Variants in ABI1 observed in about 807,000 individuals in gnomAD.
The protein encoded by ABI1 is abl interactor 1.
In ABI1, 14 loss-of-function variants were observed where a neutral mutation model predicts 54.6. The observed-to-expected ratio is 0.26, with a 90% confidence interval of 0.17 to 0.40. The LOEUF is 0.40. Among genes scored for constraint, ABI1 ranks in the 10% least tolerant of loss-of-function variants. ABI1 has a pLI of 1.00. For synonymous variants in ABI1, 194 were observed against 209.3 expected (o/e 0.93, Z 0.63); for missense variants, 443 against 598.3 (o/e 0.74, Z 2.71).
chr10:26,845,453 A>G (rs1210027330), intron 1 of ABI1, among the ~76,000 whole-genome samples: 3 of 151,058 alleles, frequency 2.0e-5, no homozygotes, highest in Admixed American at 6.6e-5. Flanking sequence ...GACCAGCCTG[A>G]CCAATATGAT....
At chr10:26,761,496 T>C (rs1564462820) in intron 7 of ABI1, among the ~76,000 whole-genome samples, 1 of 150,676 alleles carries the variant, frequency 6.6e-6, no homozygotes, top group Non-Finnish European at 1.5e-5. Flanking sequence ...TTAAATAATA[T>C]ACAGCTCAAG....
At chr10:26,835,341 C>T (rs939571520) in intron 1 of ABI1, among the ~76,000 whole-genome samples, 4 of 151,908 alleles carry the variant, frequency 2.6e-5, no homozygotes, top group African/African-American at 9.7e-5. Flanking sequence ...TTGTGAGGCC[C>T]AAGTGGGAGG....
chr10:26,755,545 T>G, intron 9 of ABI1, 110 bp downstream of exon 9: 3 of 843,946 alleles, frequency 3.6e-6, no homozygotes, highest in East Asian at 5.1e-5. Flanking sequence ...GCACCTATTT[T>G]CAAGATTAGC....
intron 5 of ABI1, among the ~76,000 whole-genome samples, chr10:26,769,770 T>G (rs762609772): frequency 6.6e-6 from 1 of 152,124 alleles, no homozygotes; most frequent in Non-Finnish European, 1.5e-5. Flanking sequence ...AGAAGCATAG[T>G]TACAAGTAAA....
chr10:26,781,079 G>C (rs1471446657), intron 2 of ABI1, among the ~76,000 whole-genome samples: 2 of 152,180 alleles, frequency 1.3e-5, no homozygotes, highest in Non-Finnish European at 2.9e-5. Flanking sequence ...CTTATGACCT[G>C]TTTGAGTACA....
chr10:26,855,540 G>C (rs942405689), intron 1 of ABI1, among the ~76,000 whole-genome samples: 1 of 152,142 alleles, frequency 6.6e-6, no homozygotes, highest in African/African-American at 2.4e-5. Flanking sequence ...AGTTTGTAAG[G>C]ATTAAAGATA....
chr10:26,836,534 G>A (rs1310355356), intron 1 of ABI1, among the ~76,000 whole-genome samples: 2 of 152,214 alleles, frequency 1.3e-5, no homozygotes, highest in Non-Finnish European at 2.9e-5. Context: ...AGATAGGCAT[G>A]TAAATAGTTG....
chr10:26,838,046 G>C (rs138521422), intron 1 of ABI1, among the ~76,000 whole-genome samples: 37,792 of 142,054 alleles, frequency 0.27, 5,440 homozygotes, highest in South Asian at 0.44. Context: ...TTTTTTGAGA[G>C]AGAGTCTTGC....
At chr10:26,759,269 A>C in intron 7 of ABI1, 31 bp from the exon 8 acceptor site, 3 of 1,605,894 alleles carry the variant, frequency 1.9e-6, no homozygotes, top group Non-Finnish European at 2.6e-6. Flanking sequence ...GCAACCAACA[A>C]AGAGACTTGA....
At chr10:26,785,974 A>G (rs992603876) in intron 2 of ABI1, among the ~76,000 whole-genome samples, 4 of 152,270 alleles carry the variant, frequency 2.6e-5, no homozygotes, top group East Asian at 3.9e-4. Flanking sequence ...CATCAGTAAT[A>G]AAGTCCTATG....
Position 26,747,675 on chromosome 10 carries a change from G to A in ABI1, c.*895C>T, listed in dbSNP as rs533924721. ...AGTTTCAAAAGATTATTTAAAAAAG[G>A]AATTCAGTAGATTGACTTGTAAATA... is the stretch of plus-strand genomic sequence containing the variant. On this transcript the variant is annotated 3_prime_UTR_variant, in exon 11 of 11. Transcript: ENST00000376140. The A allele has an allele frequency of 5.1e-6, 1 of 196,954 alleles. No individual in the cohort carries two copies. The highest frequency in any genetic ancestry group is 2.3e-5 in the African/African-American group (1 of 43,352). The allele number at this position is 196,954 out of a possible 1,614,324, so 12.2% of individuals were successfully genotyped here.
chr10:26,836,948 AC>A (rs1474202350), intron 1 of ABI1, among the ~76,000 whole-genome samples: 1 of 152,108 alleles, frequency 6.6e-6, no homozygotes, highest in Non-Finnish European at 1.5e-5. Flanking sequence ...TTATAATAAT[AC>A]CCCCTAGTTA....
At chr10:26,755,811 A>G in intron 8 of ABI1, 70 bp from the exon 9 acceptor site, 1 of 1,151,584 alleles carries the variant, frequency 8.7e-7, no homozygotes, top group Non-Finnish European at 1.3e-6. Context: ...AACAAAAAGC[A>G]GAAGTCAGTT....
At chr10:26,843,472 AAAAAAAAAAAAAAAT>A (rs1431862769) in intron 1 of ABI1, among the ~76,000 whole-genome samples, 5 of 64,590 alleles carry the variant, frequency 7.7e-5, no homozygotes, top group Non-Finnish European at 2.7e-5. Context: ...AAAAAAAAAA[AAAAAAAAAAAAAAAT>A]ATATATATAT....
rs753977016 is a variant in ABI1 at position 26,815,986 on chromosome 10, C to T, written c.285+7152G>A. ...ATCGCACAAAGCAGAAACTTCGCTGCTAGGTCTGAAGTCCACATAAGTAAC... is the reference window on the plus strand; with the variant it reads ...ATCGCACAAAGCAGAAACTTCGCTGTTAGGTCTGAAGTCCACATAAGTAAC... On this transcript the variant is annotated intron_variant, in intron 2 of 10. Transcript: ENST00000376140. 6.6e-5 allele frequency among the ~76,000 whole-genome samples: 10 copies of T among 152,198 alleles called. No individual in the cohort carries two copies. In the South Asian group the frequency reaches 8.3e-4, roughly 13 times the overall value.
rs113227933 is a variant in ABI1 at position 26,765,198 on chromosome 10, T to C, written c.820+20A>G. On this transcript the variant is annotated intron_variant, in intron 7 of 10. Transcript: ENST00000376140. ...CATAAATATTATCATGTATTAAACA[T>C]AGATTAATAAATAACACACCTGGTC... The C allele has an allele frequency of 3.3e-5, 50 of 1,504,584 alleles. No homozygotes were observed. Among genetic ancestry groups the C allele is most frequent in the African/African-American group, 3.3e-4 (24 of 72,372 alleles). The allele number at this position is 1,504,584 out of a possible 1,614,324, so 93.2% of individuals were successfully genotyped here. A position where few individuals can be genotyped will look rare whatever the true frequency, so the allele number is the denominator to read the frequency against.
chr10:26,858,800 C>T (rs2051065404), intron 1 of ABI1, among the ~76,000 whole-genome samples: 1 of 152,076 alleles, frequency 6.6e-6, no homozygotes, highest in African/African-American at 2.4e-5. Context: ...GGTTAAAACA[C>T]GTTTACAGTT....
intron 2 of ABI1, among the ~76,000 whole-genome samples, chr10:26,791,294 T>G (rs1843427090): frequency 6.6e-6 from 1 of 152,042 alleles, no homozygotes; most frequent in African/African-American, 2.4e-5. Flanking sequence ...TTACTTCAAG[T>G]TATAAATAAG....
intron 2 of ABI1, among the ~76,000 whole-genome samples, chr10:26,800,579 C>T (rs986401500): frequency 2.0e-5 from 3 of 152,064 alleles, no homozygotes; most frequent in Non-Finnish European, 4.4e-5. Flanking sequence ...CAGTTTGAGA[C>T]CAGCCTGGGA....
Sources: gnomAD v4.1 joint callset for allele counts (sites outside exome capture counted in the v4.1 genomes callset) on GRCh38, gnomAD v4.1.1 for gene constraint, MANE v1.5 for transcripts, NCBI Gene and HGNC (gene_info 2026-07-23, HGNC 2026-07-21) for gene names.